The following USH2A variants were observed in gnomAD, a reference collection of about 807,000 sequenced individuals.
USH2A encodes Usher syndrome 2A (autosomal recessive, mild).
USH2A carries 443 observed loss-of-function variants against 538.9 expected under a neutral mutation model. That is an observed-to-expected ratio of 0.82 (90% CI 0.76 to 0.89). The LOEUF (loss-of-function observed/expected upper bound fraction) is 0.89, where lower values mean the gene tolerates loss of function less well. USH2A is among the 40% of genes least tolerant of loss of function. USH2A has a pLI of 0.00. For missense variants in USH2A, 6,633 were observed against 6,324.8 expected (o/e 1.05, Z -1.65); for synonymous variants, 2,413 against 2,273.5 (o/e 1.06, Z -1.75).
intron 21 of USH2A, among the ~76,000 whole-genome samples, chr1:216,125,108 G>A (rs941665935): frequency 6.6e-6 from 1 of 151,980 alleles, no homozygotes; most frequent in Non-Finnish European, 1.5e-5. Context: ...TCTTGAATGA[G>A]AATTACATTT....
At chr1:216,126,436 G>A (rs1412231565) in intron 21 of USH2A, among the ~76,000 whole-genome samples, 1 of 152,098 alleles carries the variant, frequency 6.6e-6, no homozygotes, top group Non-Finnish European at 1.5e-5. Context: ...TGCTGGCCAG[G>A]CTGGTCTTGA....
chr1:216,306,573 T>C (rs967635096), intron 9 of USH2A, among the ~76,000 whole-genome samples: 2 of 152,228 alleles, frequency 1.3e-5, no homozygotes, highest in African/African-American at 2.4e-5. Flanking sequence ...TTGGGGATAA[T>C]AAAGAACCTT....
At chr1:215,740,667 T>C (rs747436131) in intron 60 of USH2A, among the ~76,000 whole-genome samples, 1 of 152,226 alleles carries the variant, frequency 6.6e-6, no homozygotes, top group African/African-American at 2.4e-5. Context: ...TTGTATCTGG[T>C]TTCCTCTCTG....
At chr1:215,954,466 A>G (rs1223285868) in intron 37 of USH2A, among the ~76,000 whole-genome samples, 1 of 151,500 alleles carries the variant, frequency 6.6e-6, no homozygotes, top group East Asian at 2.0e-4. Flanking sequence ...TCGCAAGGAC[A>G]AAAAACCAAA....
At chr1:216,269,083 A>G (rs954647716) in intron 11 of USH2A, among the ~76,000 whole-genome samples, 2 of 149,134 alleles carry the variant, frequency 1.3e-5, no homozygotes, top group Non-Finnish European at 2.9e-5. Context: ...ATTTGACAGA[A>G]GAAGAATTTA....
chr1:215,837,086 A>C (rs1663553462), intron 47 of USH2A, among the ~76,000 whole-genome samples: 2 of 152,138 alleles, frequency 1.3e-5, no homozygotes, highest in Admixed American at 1.3e-4. Context: ...TATTGCCACG[A>C]ACAGCTAACA....
At chr1:215,900,974 T>C in intron 38 of USH2A, 69 bp from the exon 39 acceptor site, 1 of 1,590,840 alleles carries the variant, frequency 6.3e-7, no homozygotes, top group African/African-American at 1.3e-5. Context: ...GGAATCGAAA[T>C]GCTCCATATA....
At chr1:215,998,804 A>T in intron 34 of USH2A, 83 bp downstream of exon 34, 5 of 1,417,544 alleles carry the variant, frequency 3.5e-6, no homozygotes, top group Non-Finnish European at 3.9e-6. Context: ...TTTTTAAGTG[A>T]GAGAGAAAGA....
intron 60 of USH2A, among the ~76,000 whole-genome samples, chr1:215,735,186 T>A (rs1187275962): frequency 6.6e-6 from 1 of 152,224 alleles, no homozygotes; most frequent in Admixed American, 6.5e-5. Flanking sequence ...TCTTCAACTG[T>A]CTGAGTCCCA....
intron 61 of USH2A, among the ~76,000 whole-genome samples, chr1:215,712,329 G>C (rs1659359841): frequency 1.3e-5 from 2 of 152,220 alleles, no homozygotes; most frequent in South Asian, 4.1e-4. Flanking sequence ...AATCTCAGAA[G>C]AGTGATTTGT....
At chr1:215,638,480 C>T (rs1005692984) in intron 69 of USH2A, among the ~76,000 whole-genome samples, 1 of 151,626 alleles carries the variant, frequency 6.6e-6, no homozygotes, top group Non-Finnish European at 1.5e-5. Flanking sequence ...ATCAGCCAGG[C>T]GTGGTGACAT....
intron 32 of USH2A, among the ~76,000 whole-genome samples, chr1:216,003,927 T>C (rs1007560179): frequency 1.3e-5 from 2 of 152,126 alleles, no homozygotes; most frequent in African/African-American, 4.8e-5. Flanking sequence ...TGGGGGCCAG[T>C]AATAATCAAG....
intron 41 of USH2A, among the ~76,000 whole-genome samples, chr1:215,881,646 A>G (rs1447402664): frequency 6.6e-6 from 1 of 152,252 alleles, no homozygotes; most frequent in East Asian, 1.9e-4. Flanking sequence ...TTCAGACAAA[A>G]GAACATGTTA....
intron 47 of USH2A, among the ~76,000 whole-genome samples, chr1:215,822,936 G>C (rs954912058): frequency 5.3e-5 from 8 of 151,904 alleles, no homozygotes; most frequent in African/African-American, 1.9e-4. Flanking sequence ...AAATTTAACT[G>C]TATTTCTCCA....
Position 215,782,035 on chromosome 1 carries a change from C to T in USH2A, c.10740+7G>A, listed in dbSNP as rs201206110. The stretch of plus-strand genomic sequence containing the variant: ...CTTTTCCCAGAGTTTAGGCAAACTC[C>T]TCTTACCTTGCTACTGGTGGCACAG... On this transcript the variant is annotated splice_region_variant and intron_variant, in intron 54 of 71. Transcript: ENST00000307340. 5.3e-5 allele frequency: 86 copies of T among 1,613,758 alleles called. No individual in the cohort carries two copies. Among genetic ancestry groups the T allele is most frequent in the Admixed American group, 1.7e-5 (1 of 59,994 alleles).
At chr1:216,339,397 T>C (rs1272317958) in intron 4 of USH2A, among the ~76,000 whole-genome samples, 1 of 151,700 alleles carries the variant, frequency 6.6e-6, no homozygotes, top group East Asian at 1.9e-4. Context: ...CCATTTTTAA[T>C]CTATAAGAAT....
intron 3 of USH2A, among the ~76,000 whole-genome samples, chr1:216,384,485 TA>T (rs1317950640): frequency 1.3e-5 from 2 of 152,196 alleles, no homozygotes; most frequent in African/African-American, 4.8e-5. Context: ...ATTTGAGGAA[TA>T]GGCACTCTGA....
At chr1:216,357,851 A>G (rs1317073222) in intron 4 of USH2A, among the ~76,000 whole-genome samples, 1 of 152,196 alleles carries the variant, frequency 6.6e-6, no homozygotes, top group Non-Finnish European at 1.5e-5. Flanking sequence ...TCATAACTAC[A>G]TATCTGCTAA....
intron 61 of USH2A, among the ~76,000 whole-genome samples, chr1:215,727,596 G>A (rs900503315): frequency 2.0e-5 from 3 of 151,852 alleles, no homozygotes; most frequent in African/African-American, 7.3e-5. Flanking sequence ...GCAGTGGTGG[G>A]CACCTGTAAT....
Sources: allele counts gnomAD v4.1 joint callset (sites outside exome capture counted in the v4.1 genomes callset), GRCh38; gene constraint gnomAD v4.1.1; transcripts MANE v1.5; gene names NCBI Gene and HGNC (gene_info 2026-07-23, HGNC 2026-07-21).